Variants in XPR1 observed in about 807,000 individuals in gnomAD.
XPR1 encodes the protein xenotropic and polytropic retrovirus receptor 1.
A neutral mutation model predicts 87.5 loss-of-function variants in XPR1; 28 were observed. That is an observed-to-expected ratio of 0.32 (90% CI 0.24 to 0.44). The LOEUF (loss-of-function observed/expected upper bound fraction) is 0.44. Among genes scored for constraint, XPR1 ranks in the 20% least tolerant of loss-of-function variants. The pLI, the probability that XPR1 is intolerant of heterozygous loss-of-function variation, is 1.00. For missense variants in XPR1, 559 were observed against 862.3 expected (o/e 0.65, Z 4.41); for synonymous variants, 300 against 306.1 (o/e 0.98, Z 0.21).
intron 1 of XPR1, among the ~76,000 whole-genome samples, chr1:180,656,842 C>G (rs538992699): frequency 6.6e-6 from 1 of 150,602 alleles, no homozygotes; most frequent in South Asian, 2.1e-4. Flanking sequence ...TTTCTTTATT[C>G]CAGGTATATA....
intron 1 of XPR1, among the ~76,000 whole-genome samples, chr1:180,676,914 T>C (rs1479947644): frequency 6.6e-6 from 1 of 152,236 alleles, no homozygotes; most frequent in Non-Finnish European, 1.5e-5. Flanking sequence ...ATAAGGTTAA[T>C]CTGTGGTGTG....
At position 180,659,373 on chromosome 1, in the gene XPR1, GTCCTTCCGTCCTTCCTTCCTTCCT is replaced by G. The variant is rs1655674565; in HGVS notation, c.70-22979_70-22956del. On this transcript the variant is annotated intron_variant, in intron 1 of 14. Coordinates refer to ENST00000367590, the MANE Select transcript of XPR1 (RefSeq NM_004736.4). ...CTTCCGTCCTTCCGTCCTTCCGTCC[GTCCTTCCGTCCTTCCTTCCTTCCT>G]TCCTTCCTTCCTTCCTTCCTTCCTT... Among the ~76,000 whole-genome samples, 7 of 73,248 alleles carry G rather than the reference GTCCTTCCGTCCTTCCTTCCTTCCT, an allele frequency of 9.6e-5. No individual in the cohort carries two copies. The East Asian group carries it at 3.0e-3, about 31-fold the overall frequency. 48.1% of individuals were successfully genotyped at this position (73,248 alleles called of 152,430 possible). A position where few individuals can be genotyped will look rare whatever the true frequency, so the allele number is the denominator to read the frequency against.
At chr1:180,882,644 C>T (rs1490109114) in intron 14 of XPR1, among the ~76,000 whole-genome samples, 1 of 152,096 alleles carries the variant, frequency 6.6e-6, no homozygotes, top group African/African-American at 2.4e-5. Context: ...GCAAGAGCCA[C>T]CACACTCAGC....
intron 9 of XPR1, among the ~76,000 whole-genome samples, chr1:180,829,917 C>G (rs1327102624): frequency 5.3e-5 from 8 of 151,722 alleles, no homozygotes; most frequent in Non-Finnish European, 4.4e-5. Context: ...CCCTCTTCTG[C>G]TCTTATGGAG....
intron 7 of XPR1, among the ~76,000 whole-genome samples, chr1:180,820,229 G>T (rs1310937766): frequency 1.3e-5 from 2 of 151,870 alleles, no homozygotes; most frequent in East Asian, 1.9e-4. Flanking sequence ...CAACCACCAC[G>T]TCTATCTAGT....
chr1:180,762,451 A>T (rs956782790), intron 2 of XPR1, among the ~76,000 whole-genome samples: 1 of 152,208 alleles, frequency 6.6e-6, no homozygotes, highest in African/African-American at 2.4e-5. Context: ...TTGATCATAC[A>T]TTGTAAGAGT....
chr1:180,719,950 C>T (rs1041144649), intron 2 of XPR1, among the ~76,000 whole-genome samples: 3 of 152,134 alleles, frequency 2.0e-5, no homozygotes, highest in Non-Finnish European at 4.4e-5. Context: ...TGTTAGGGCT[C>T]TGTCTAGTAG....
intron 2 of XPR1, among the ~76,000 whole-genome samples, chr1:180,693,955 TTTGTTG>T (rs1001074534): frequency 6.6e-6 from 1 of 152,172 alleles, no homozygotes; most frequent in South Asian, 2.1e-4. Flanking sequence ...TAAAAAAATT[TTTGTTG>T]TTGTTGTTGT....
chr1:180,781,859 G>A (rs1648956125), intron 2 of XPR1, among the ~76,000 whole-genome samples: 1 of 151,884 alleles, frequency 6.6e-6, no homozygotes, highest in African/African-American at 2.4e-5. Flanking sequence ...GCGGTGGCAC[G>A]AACTCGGCTC....
intron 11 of XPR1, among the ~76,000 whole-genome samples, chr1:180,848,501 T>C (rs1651763898): frequency 6.6e-6 from 1 of 152,336 alleles, no homozygotes; most frequent in South Asian, 2.1e-4. Context: ...TTTCATTCTT[T>C]TTTATGGCTG....
chr1:180,643,989 A>G (rs949383165), intron 1 of XPR1, among the ~76,000 whole-genome samples: 1 of 152,130 alleles, frequency 6.6e-6, no homozygotes, highest in South Asian at 2.1e-4. Flanking sequence ...GGTCTTTTCC[A>G]TAACTCTGGA....
intron 1 of XPR1, among the ~76,000 whole-genome samples, chr1:180,656,312 A>ATATATATAATATTTATATATATAATATT (rs1655464179): frequency 1.7e-5 from 2 of 120,382 alleles, no homozygotes; most frequent in African/African-American, 6.8e-5. Context: ...GTACTCCATT[A>ATATATATAATATTTATATATATAATATT]TATATATAAT....
intron 11 of XPR1, 69 bp downstream of exon 11, chr1:180,836,785 C>A: frequency 1.3e-6 from 2 of 1,530,970 alleles, no homozygotes; most frequent in South Asian, 2.3e-5. Context: ...CTATTTCTTA[C>A]TCTGGCTACT....
At chr1:180,778,016 G>A (rs1351509010) in intron 2 of XPR1, among the ~76,000 whole-genome samples, 2 of 152,054 alleles carry the variant, frequency 1.3e-5, no homozygotes. Context: ...CAGGGTCTTA[G>A]TCTGTCACTC....
chr1:180,862,020 C>T (rs140572963), intron 11 of XPR1, among the ~76,000 whole-genome samples: 2 of 152,002 alleles, frequency 1.3e-5, no homozygotes, highest in Non-Finnish European at 2.9e-5. Context: ...GTATGTGTTA[C>T]CTTTGTTTTA....
At chr1:180,666,610 G>C (rs1295571021) in intron 1 of XPR1, among the ~76,000 whole-genome samples, 1 of 152,132 alleles carries the variant, frequency 6.6e-6, no homozygotes, top group Admixed American at 6.6e-5. Flanking sequence ...TTTTCAGATT[G>C]TTGGTTGTTA....
chr1:180,716,525 T>C (rs1658000048), intron 2 of XPR1, among the ~76,000 whole-genome samples: 1 of 152,238 alleles, frequency 6.6e-6, no homozygotes, highest in Admixed American at 6.5e-5. Flanking sequence ...TGCTCTGTGC[T>C]CTTTGGGTTT....
At chr1:180,682,142 G>A (rs1180637256) in intron 1 of XPR1, among the ~76,000 whole-genome samples, 2 of 152,024 alleles carry the variant, frequency 1.3e-5, no homozygotes, top group Non-Finnish European at 2.9e-5. Context: ...TAATTTTAAA[G>A]TATACAAGTT....
At position 180,884,190 on chromosome 1, in the gene XPR1, T is replaced by C. The variant is rs990565863; in HGVS notation, c.*124T>C. On this transcript the variant is annotated 3_prime_UTR_variant, in exon 15 of 15. Coordinates refer to ENST00000367590, the MANE Select transcript of XPR1 (RefSeq NM_004736.4). ...AAAACACATAACACATTTTCCGAGCTCTTCCGGATCGGATCCTATGGACTC... is the reference window on the plus strand; with the variant it reads ...AAAACACATAACACATTTTCCGAGCCCTTCCGGATCGGATCCTATGGACTC... 5.7e-6 allele frequency: 4 copies of C among 706,476 alleles called. No homozygotes were observed. In the African/African-American group the frequency reaches 7.3e-5, roughly 13 times the overall value. The allele number at this position is 706,476 out of a possible 1,614,324, so 43.8% of individuals were successfully genotyped here.
Sources: gnomAD v4.1 joint callset for allele counts (sites outside exome capture counted in the v4.1 genomes callset) on GRCh38, gnomAD v4.1.1 for gene constraint, MANE v1.5 for transcripts, NCBI Gene and HGNC (gene_info 2026-07-23, HGNC 2026-07-21) for gene names.